CDH13: variants seen among roughly 807,000 people sequenced by gnomAD.
CDH13 encodes the protein cadherin-13.
CDH13 carries 24 observed loss-of-function variants against 63.8 expected under a neutral mutation model. That is an observed-to-expected ratio of 0.38 (90% CI 0.27 to 0.53). CDH13 has a LOEUF of 0.53. Among genes scored for constraint, CDH13 ranks in the 20% least tolerant of loss-of-function variants. The pLI, the probability that CDH13 is intolerant of heterozygous loss-of-function variation, is 0.85. For missense variants in CDH13, 1,049 were observed against 903.1 expected (o/e 1.16, Z -2.07); for synonymous variants, 503 against 355.3 (o/e 1.42, Z -4.67).
intron 2 of CDH13, among the ~76,000 whole-genome samples, chr16:82,975,649 C>T (rs565881345): frequency 4.6e-5 from 7 of 152,186 alleles, no homozygotes; most frequent in Admixed American, 6.5e-5. Flanking sequence ...ATTACAGTTT[C>T]TTACATTCCT....
At chr16:83,207,762 T>TAAAAAAAAAAAAAAAAAAAAAAA (rs57095409) in intron 4 of CDH13, among the ~76,000 whole-genome samples, 1 of 124,808 alleles carries the variant, frequency 8.0e-6, no homozygotes, top group Non-Finnish European at 1.8e-5. Context: ...ATACTCTCCT[T>TAAAAAAAAAAAAAAAAAAAAAAA]AAAAAAAAAA....
intron 2 of CDH13, among the ~76,000 whole-genome samples, chr16:82,922,469 C>G (rs571215926): frequency 7.2e-5 from 11 of 152,180 alleles, no homozygotes; most frequent in African/African-American, 2.6e-4. Context: ...AGTGTTGTTG[C>G]CCCCATCCTA....
intron 1 of CDH13, among the ~76,000 whole-genome samples, chr16:82,791,969 C>A (rs1232860842): frequency 6.6e-6 from 1 of 152,104 alleles, no homozygotes; most frequent in African/African-American, 2.4e-5. Flanking sequence ...AACAAAGACC[C>A]GCCCGTATCA....
intron 7 of CDH13, among the ~76,000 whole-genome samples, chr16:83,590,202 G>A (rs180991178): frequency 6.4e-4 from 98 of 152,280 alleles, no homozygotes; most frequent in African/African-American, 2.1e-3. Flanking sequence ...AGTTCGCTCT[G>A]GCTGGCTTTG....
At chr16:83,139,034 G>C (rs1440730029) in intron 4 of CDH13, among the ~76,000 whole-genome samples, 1 of 151,706 alleles carries the variant, frequency 6.6e-6, no homozygotes, top group Non-Finnish European at 1.5e-5. Context: ...TGTAGACTGT[G>C]AAACTGAAGG....
At chr16:82,700,045 G>A (rs2030792339) in intron 1 of CDH13, among the ~76,000 whole-genome samples, 1 of 151,368 alleles carries the variant, frequency 6.6e-6, no homozygotes, top group Non-Finnish European at 1.5e-5. Context: ...ACAGAAGTTT[G>A]GTCTTTACTA....
chr16:83,370,017 C>G (rs1041149163), intron 6 of CDH13, among the ~76,000 whole-genome samples: 1 of 152,222 alleles, frequency 6.6e-6, no homozygotes, highest in African/African-American at 2.4e-5. Context: ...CGATCTCCTC[C>G]ACTTGGATCT....
chr16:83,566,579 C>G (rs1200465385), intron 7 of CDH13, among the ~76,000 whole-genome samples: 1 of 152,124 alleles, frequency 6.6e-6, no homozygotes, highest in Non-Finnish European at 1.5e-5. Context: ...TTCCTGTTCC[C>G]TGGACCCGCC....
At chr16:83,268,722 A>T (rs1176484588) in intron 5 of CDH13, among the ~76,000 whole-genome samples, 1 of 152,162 alleles carries the variant, frequency 6.6e-6, no homozygotes, top group Non-Finnish European at 1.5e-5. Flanking sequence ...ATTGATCATA[A>T]TGTGATTGAT....
intron 7 of CDH13, among the ~76,000 whole-genome samples, chr16:83,573,032 T>G (rs1904787298): frequency 6.6e-6 from 1 of 152,150 alleles, no homozygotes; most frequent in Non-Finnish European, 1.5e-5. Flanking sequence ...ATACGCAATA[T>G]TTTTCATCCA....
At chr16:83,442,812 G>A (rs538370207) in intron 6 of CDH13, among the ~76,000 whole-genome samples, 9 of 152,352 alleles carry the variant, frequency 5.9e-5, no homozygotes, top group African/African-American at 2.2e-4. Context: ...ATCCAGTGAT[G>A]TGCACTTGGT....
intron 5 of CDH13, among the ~76,000 whole-genome samples, chr16:83,281,211 T>C (rs566455677): frequency 5.3e-4 from 81 of 152,360 alleles, no homozygotes; most frequent in African/African-American, 1.9e-3. Context: ...TCTGGATATC[T>C]TGCTGCAGCT....
intron 7 of CDH13, among the ~76,000 whole-genome samples, chr16:83,597,317 T>A (rs897117562): frequency 2.0e-5 from 3 of 152,198 alleles, no homozygotes; most frequent in African/African-American, 7.2e-5. Flanking sequence ...ATCTGTACAT[T>A]GGACTATTAG....
Position 83,294,641 on chromosome 16 carries a change from G to C in CDH13, c.637-50221G>C, listed in dbSNP as rs142682246. The stretch of plus-strand genomic sequence containing the variant: ...GTGTATATATATATGTGATATTCAT[G>C]TATTGATGGACATTTAGGAACAAAT... On this transcript the variant is annotated intron_variant, in intron 5 of 13. Transcript: ENST00000567109. Among the ~76,000 whole-genome samples the C allele has an allele frequency of 3.9e-3, 596 of 151,584 alleles. 5 individuals carry two copies. Among genetic ancestry groups the C allele is most frequent in the African/African-American group, 0.011 (436 of 41,252 alleles).
intron 5 of CDH13, among the ~76,000 whole-genome samples, chr16:83,343,226 C>G (rs560028003): frequency 8.5e-5 from 13 of 152,260 alleles, no homozygotes; most frequent in African/African-American, 3.1e-4. Flanking sequence ...ATTTTGCTCA[C>G]TGCCTTCAAA....
chr16:82,926,014 G>C (rs2042293334), intron 2 of CDH13: 2 of 152,080 alleles, frequency 1.3e-5, no homozygotes, highest in South Asian at 4.1e-4. Flanking sequence ...AGGAGAGTTG[G>C]TGGAATTCCA....
At chr16:83,174,830 G>A (rs1300287343) in intron 4 of CDH13, among the ~76,000 whole-genome samples, 5 of 152,052 alleles carry the variant, frequency 3.3e-5, no homozygotes, top group Admixed American at 6.6e-5. Flanking sequence ...TCTTATCACA[G>A]TAAAGCAGGA....
At chr16:83,015,724 A>AGAGAG (rs1555562946) in intron 2 of CDH13, among the ~76,000 whole-genome samples, 39 of 49,118 alleles carry the variant, frequency 7.9e-4, no homozygotes, top group African/African-American at 2.2e-3. Context: ...TATATATATA[A>AGAGAG]AGAAAAAGCA....
At chr16:82,899,283 A>G (rs2041377167) in intron 2 of CDH13, among the ~76,000 whole-genome samples, 1 of 152,200 alleles carries the variant, frequency 6.6e-6, no homozygotes, top group Non-Finnish European at 1.5e-5. Context: ...GCATCTACCC[A>G]TGGTCCCTAG....
Sources: allele counts gnomAD v4.1 joint callset (sites outside exome capture counted in the v4.1 genomes callset), GRCh38; gene constraint gnomAD v4.1.1; transcripts MANE v1.5; gene names NCBI Gene and HGNC (gene_info 2026-07-23, HGNC 2026-07-21).